SNX24: variants seen among roughly 807,000 people sequenced by gnomAD.
SNX24 encodes the protein sorting nexin 24.
SNX24 carries 22 observed loss-of-function variants against 28.7 expected under a neutral mutation model. That is an observed-to-expected ratio of 0.77 (90% CI 0.55 to 1.10). The LOEUF (loss-of-function observed/expected upper bound fraction) is 1.10, where lower values mean the gene tolerates loss of function less well. Among genes scored for constraint, SNX24 ranks in the 50% least tolerant of loss-of-function variants. The pLI, the probability that SNX24 is intolerant of heterozygous loss-of-function variation, is 0.00. For synonymous variants in SNX24, 69 were observed against 71.5 expected, an observed-to-expected ratio of 0.96 and a Z score of 0.18; for missense variants, 221 against 201.1, an observed-to-expected ratio of 1.10 and a Z score of -0.60.
chr5:123,014,333 AT>A (rs70988553), intron 5 of SNX24, among the ~76,000 whole-genome samples: 5,328 of 77,336 alleles, frequency 0.069, 650 homozygotes, highest in Middle Eastern at 0.085. Flanking sequence ...TGCCCAGCTG[AT>A]TTTTTTTTTT....
chr5:122,953,050 A>G (rs919594624), intron 3 of SNX24, among the ~76,000 whole-genome samples: 22 of 58,668 alleles, frequency 3.7e-4, no homozygotes, highest in African/African-American at 1.9e-3. Flanking sequence ...AATATAAGCG[A>G]TTTCTTTCTT....
chr5:122,847,499 T>C (rs1754692010), intron 1 of SNX24, among the ~76,000 whole-genome samples: 3 of 81,004 alleles, frequency 3.7e-5, no homozygotes, highest in African/African-American at 1.3e-4. Flanking sequence ...AATCTCTCTC[T>C]CTCTTTTTTT....
intron 1 of SNX24, among the ~76,000 whole-genome samples, chr5:122,876,763 T>G (rs1317273579): frequency 6.6e-6 from 1 of 152,100 alleles, no homozygotes; most frequent in Non-Finnish European, 1.5e-5. Flanking sequence ...AGGAGTGGAG[T>G]GCAGTACCCG....
chr5:122,928,185 G>C (rs1468666166), intron 1 of SNX24, among the ~76,000 whole-genome samples: 2 of 152,154 alleles, frequency 1.3e-5, no homozygotes, highest in Non-Finnish European at 2.9e-5. Context: ...TGGTAATGCT[G>C]AAAGTTAAAT....
intron 5 of SNX24, chr5:123,022,238 G>GTGT (rs953979580): frequency 2.8e-4 from 42 of 152,272 alleles, no homozygotes; most frequent in African/African-American, 9.6e-4. Context: ...CTCTCCAAGA[G>GTGT]TGTTGTAGCA....
At chr5:122,951,756 A>G (rs181733232) in intron 3 of SNX24, among the ~76,000 whole-genome samples, 34 of 152,352 alleles carry the variant, frequency 2.2e-4, no homozygotes, top group African/African-American at 8.2e-4. Flanking sequence ...ATGTGAGTGG[A>G]TAGAGCACAA....
At chr5:122,880,617 G>T (rs1756437619) in intron 1 of SNX24, among the ~76,000 whole-genome samples, 2 of 152,098 alleles carry the variant, frequency 1.3e-5, no homozygotes, top group Non-Finnish European at 2.9e-5. Context: ...TAGTCTGCAA[G>T]GCTTCATTTT....
intron 3 of SNX24, among the ~76,000 whole-genome samples, chr5:122,993,308 T>TC (rs1463529787): frequency 1.3e-5 from 2 of 150,064 alleles, no homozygotes; most frequent in African/African-American, 4.9e-5. Flanking sequence ...TTTTTTTTTT[T>TC]TTTTTTTTGA....
chr5:122,962,919 T>C (rs75263160), intron 3 of SNX24, among the ~76,000 whole-genome samples: 3,185 of 152,256 alleles, frequency 0.021, 48 homozygotes, highest in Non-Finnish European at 0.031. Context: ...CCCCTATTAA[T>C]AAGGTGAATG....
intron 1 of SNX24, among the ~76,000 whole-genome samples, chr5:122,875,426 A>G (rs898955019): frequency 6.6e-6 from 1 of 152,198 alleles, no homozygotes; most frequent in Non-Finnish European, 1.5e-5. Flanking sequence ...TTCCTTTAAT[A>G]TTTTACCATA....
chr5:123,020,817 C>T (rs1051669614), intron 5 of SNX24, among the ~76,000 whole-genome samples: 10 of 152,344 alleles, frequency 6.6e-5, no homozygotes, highest in African/African-American at 2.2e-4. Flanking sequence ...GTGCTGGCTT[C>T]GCTCTTAGGC....
chr5:123,006,883 A>G (rs1394916997), intron 6 of SNX24, among the ~76,000 whole-genome samples: 1 of 152,096 alleles, frequency 6.6e-6, no homozygotes, highest in Non-Finnish European at 1.5e-5. Flanking sequence ...TTTTTTTCTT[A>G]AAATATTGGA....
At chr5:122,909,509 C>CA (rs1357438463) in intron 1 of SNX24, among the ~76,000 whole-genome samples, 1 of 152,150 alleles carries the variant, frequency 6.6e-6, no homozygotes, top group African/African-American at 2.4e-5. Context: ...GTCTGAGTAT[C>CA]AGAGTGGAAA....
At position 122,865,736 on chromosome 5, in the gene SNX24, A is replaced by G. The variant is rs534500579; in HGVS notation, c.60+20043A>G. 3.3e-5 allele frequency among the ~76,000 whole-genome samples: 5 copies of G among 152,214 alleles called. No individual in the cohort carries two copies. The South Asian group carries it at 6.2e-4, about 19-fold the overall frequency. On this transcript the variant is annotated intron_variant, in intron 1 of 6. Coordinates refer to ENST00000261369, the MANE Select transcript of SNX24 (RefSeq NM_014035.4). ...TGAGAGGAGGCAGGTTCTCTAACACACTATTGGTGAGACTGCAAGTTGGAA... is the reference window on the plus strand; with the variant it reads ...TGAGAGGAGGCAGGTTCTCTAACACGCTATTGGTGAGACTGCAAGTTGGAA...
chr5:123,023,751 G>GGAT (rs1762800145), intron 5 of SNX24: 1 of 1,364,116 alleles, frequency 7.3e-7, no homozygotes, highest in Non-Finnish European at 9.6e-7. Flanking sequence ...CTGTGATCTG[G>GGAT]GATAGAATAC....
intron 5 of SNX24, 50 bp downstream of exon 5, chr5:123,001,487 T>C (rs374627106): frequency 2.0e-5 from 26 of 1,281,036 alleles, no homozygotes; most frequent in Non-Finnish European, 2.8e-5. Context: ...TTTTGCTAAA[T>C]GTTTAATCAC....
intron 3 of SNX24, among the ~76,000 whole-genome samples, chr5:122,997,526 A>T (rs1394801783): frequency 6.6e-6 from 1 of 152,134 alleles, no homozygotes; most frequent in Non-Finnish European, 1.5e-5. Context: ...GTCATTAATG[A>T]TCATGCCGTA....
intron 3 of SNX24, among the ~76,000 whole-genome samples, chr5:122,991,413 G>A (rs35847506): frequency 0.22 from 33,926 of 152,064 alleles, 4,829 homozygotes; most frequent in Non-Finnish European, 0.33. Context: ...TGTCAAACAG[G>A]TTTTGAAATG....
intron 1 of SNX24, among the ~76,000 whole-genome samples, chr5:122,872,855 A>G (rs554692262): frequency 6.6e-6 from 1 of 152,062 alleles, no homozygotes; most frequent in East Asian, 1.9e-4. Flanking sequence ...AGACCCATTC[A>G]CTGTTCAGTG....
Sources: gnomAD v4.1 joint callset for allele counts (sites outside exome capture counted in the v4.1 genomes callset) on GRCh38, gnomAD v4.1.1 for gene constraint, MANE v1.5 for transcripts, NCBI Gene and HGNC (gene_info 2026-07-23, HGNC 2026-07-21) for gene names.